Variants in HCFC2 observed in about 807,000 individuals in gnomAD.
The protein encoded by HCFC2 is host cell factor C2, also known as host cell factor 2.
In HCFC2, 18 loss-of-function variants were observed where a neutral mutation model predicts 89.2. The ratio of observed to expected loss-of-function variants is 0.20; its 90% CI spans 0.14 to 0.30. The LOEUF is 0.30. Ranked by LOEUF, HCFC2 falls within the 10% of genes least tolerant of loss-of-function variation. HCFC2 has a pLI of 1.00. For missense variants in HCFC2, 578 were observed against 956.1 expected, an observed-to-expected ratio of 0.60 and a Z score of 5.21; for synonymous variants, 308 against 335.7, an observed-to-expected ratio of 0.92 and a Z score of 0.90.
intron 13 of HCFC2, among the ~76,000 whole-genome samples, chr12:104,101,475 T>A (rs2029936245): frequency 6.7e-6 from 1 of 148,700 alleles, no homozygotes; most frequent in African/African-American, 2.5e-5. Context: ...AGAGTGAGAC[T>A]CCGTCTCCAA....
chr12:104,102,874 G>A, intron 14 of HCFC2, 85 bp from the exon 15 acceptor site: 2 of 1,122,036 alleles, frequency 1.8e-6, no homozygotes, highest in South Asian at 1.8e-5. Context: ...TGAACATTTT[G>A]TATTCTAAAG....
intron 2 of HCFC2, among the ~76,000 whole-genome samples, 195 bp downstream of exon 2, chr12:104,066,510 A>G (rs1883153785): frequency 1.3e-5 from 2 of 152,230 alleles, no homozygotes; most frequent in African/African-American, 4.8e-5. Context: ...CTTTATAGAA[A>G]ATGTTTCCAC....
intron 9 of HCFC2, 145 bp downstream of exon 9, chr12:104,088,183 A>G: frequency 2.4e-6 from 1 of 413,348 alleles, no homozygotes; most frequent in Non-Finnish European, 4.4e-6. Flanking sequence ...AAACAAACAA[A>G]CAAACACAGA....
chr12:104,086,481 C>T lies in HCFC2; in HGVS notation c.1064-366C>T, dbSNP rs903848608. ...GCTCCCCTTGCCTCTCCCCAGCCTC[C>T]CCCCAAAAACCTTCTAGGATTCCCA... On this transcript the variant is annotated intron_variant, in intron 7 of 14. Coordinates refer to ENST00000229330, the MANE Select transcript of HCFC2 (RefSeq NM_013320.3). Among the ~76,000 whole-genome samples the T allele has an allele frequency of 2.6e-5, 4 of 151,762 alleles. No homozygotes were observed. The South Asian group carries it at 8.3e-4, about 32-fold the overall frequency.
intron 7 of HCFC2, among the ~76,000 whole-genome samples, chr12:104,085,637 A>G (rs1383866544): frequency 6.6e-6 from 1 of 152,064 alleles, no homozygotes; most frequent in African/African-American, 2.4e-5. Context: ...AGGGCAAAAT[A>G]TAGATTTTGC....
At chr12:104,072,767 C>T (rs1238615203) in intron 3 of HCFC2, among the ~76,000 whole-genome samples, 3 of 151,824 alleles carry the variant, frequency 2.0e-5, no homozygotes, top group Admixed American at 6.6e-5. Context: ...CTCAGCCTCC[C>T]GAGTAGCTGG....
Position 104,102,173 on chromosome 12 carries a change from C to A in HCFC2, c.2064+20C>A, listed in dbSNP as rs564279512. ...TCAAAGGTGAGACATCGGGTCAAGA[C>A]TTGTTGGTGATTTTAAATTATTTGA... is the stretch of plus-strand genomic sequence containing the variant. On this transcript the variant is annotated intron_variant, in intron 14 of 14. Transcript: ENST00000229330. 1 of 1,592,672 alleles carries A rather than the reference C, an allele frequency of 6.3e-7. No homozygotes were observed. The highest frequency in any genetic ancestry group is 2.2e-5 in the East Asian group (1 of 44,662).
In HCFC2 at chr12:104,102,999, C is replaced by T; in HGVS notation, c.2105C>T (p.Ser702Leu). ...CACCTTTCCTGGGAACCTCCAACCT[C>T]ACCTTCTGGAAATATTTTGGAATAT... is the stretch of plus-strand genomic sequence containing the variant. ...GIHLSWEPPT[S>L]PSGNILEYSA... is the part of the protein sequence containing the mutation. Residue 702 changes from serine to leucine, a missense_variant, in exon 15 of 15, where the codon TCA becomes TTA. By Grantham distance (145) the Ser-to-Leu change is moderately radical (BLOSUM62 -2). Coordinates refer to ENST00000229330, the MANE Select transcript of HCFC2 (RefSeq NM_013320.3). The T allele has an allele frequency of 6.2e-7, 1 of 1,611,438 alleles. No individual in the cohort carries two copies. The highest frequency in any genetic ancestry group is 8.5e-7 in the Non-Finnish European group (1 of 1,178,530).
In HCFC2 at chr12:104,064,880, G is replaced by C. The variant is rs1883017092; in HGVS notation, c.163+157G>C. On this transcript the variant is annotated intron_variant, in intron 1 of 14. Coordinates refer to ENST00000229330, the MANE Select transcript of HCFC2 (RefSeq NM_013320.3). This position sits in a 1 kb window ranked among gnomAD's most constrained non-coding sequence, Gnocchi z 7.3. Reference sequence around the variant, plus strand: ...CGGCTCAGCCGGGCAGCCCGGGTCCGGCAGCTCTGTCCCGGACCGCAGCTC... The same window carrying C: ...CGGCTCAGCCGGGCAGCCCGGGTCCCGCAGCTCTGTCCCGGACCGCAGCTC... 2 of 587,662 alleles carry C rather than the reference G, an allele frequency of 3.4e-6. No individual in the cohort carries two copies. Among genetic ancestry groups the C allele is most frequent in the Non-Finnish European group, 5.4e-6 (2 of 372,412 alleles). 36.4% of individuals were successfully genotyped at this position (587,662 alleles called of 1,614,324 possible). A position where few individuals can be genotyped will look rare whatever the true frequency, so the allele number is the denominator to read the frequency against.
intron 1 of HCFC2, among the ~76,000 whole-genome samples, chr12:104,065,850 C>T (rs1883102922): frequency 6.6e-6 from 1 of 152,078 alleles, no homozygotes; most frequent in Admixed American, 6.6e-5. Context: ...TTAAATGATA[C>T]AGATCAGGGT....
rs1430202432 is a variant in HCFC2 at position 104,095,587 on chromosome 12, G to A, written c.1666+24G>A. On this transcript the variant is annotated intron_variant, in intron 11 of 14. Transcript: ENST00000229330. This position sits in a 1 kb window ranked among gnomAD's most constrained non-coding sequence, Gnocchi z 4.2. ...AGGTTTGAAATGTGTTTCACATACT[G>A]TATTTTGAACCATTTATGTATATAA... is the stretch of plus-strand genomic sequence containing the variant. 2 of 1,571,492 alleles carry A rather than the reference G, an allele frequency of 1.3e-6. No individual in the cohort carries two copies. Among genetic ancestry groups the A allele is most frequent in the African/African-American group, 1.3e-5 (1 of 74,120 alleles).
At chr12:104,098,216 T>G in intron 12 of HCFC2, 127 bp from the exon 13 acceptor site, 3 of 646,056 alleles carry the variant, frequency 4.6e-6, no homozygotes, top group Non-Finnish European at 7.7e-6. Context: ...TATTTACTTA[T>G]GAGTTGTTAA....
chr12:104,086,396 A>C (rs891945996), intron 7 of HCFC2, among the ~76,000 whole-genome samples: 6 of 152,130 alleles, frequency 3.9e-5, no homozygotes, highest in Non-Finnish European at 7.4e-5. Flanking sequence ...AAATTGGCTC[A>C]TAAAATTAAA....
intron 7 of HCFC2, among the ~76,000 whole-genome samples, chr12:104,083,317 G>A (rs1473948905): frequency 6.6e-6 from 1 of 152,072 alleles, no homozygotes. Flanking sequence ...CATAACCTCA[G>A]CCTAACTATG....
chr12:104,097,900 G>T (rs1002214246), intron 12 of HCFC2, among the ~76,000 whole-genome samples: 2 of 152,158 alleles, frequency 1.3e-5, no homozygotes, highest in African/African-American at 4.8e-5. Context: ...CAAGTGCAAA[G>T]ATCACTGAAT....
intron 2 of HCFC2, among the ~76,000 whole-genome samples, chr12:104,066,518 C>T (rs1883154189): frequency 1.3e-5 from 2 of 152,096 alleles, no homozygotes; most frequent in African/African-American, 4.8e-5. Context: ...AAAATGTTTC[C>T]ACTTCACTTA....
chr12:104,069,775 G>A (rs1883264131), intron 3 of HCFC2, among the ~76,000 whole-genome samples: 1 of 151,768 alleles, frequency 6.6e-6, no homozygotes, highest in Admixed American at 6.6e-5. Context: ...GTGGTTTGCT[G>A]CACCTATCAA....
rs1261896158 is a variant in HCFC2 at position 104,082,872 on chromosome 12, G to T, written c.1034G>T (p.Cys345Phe). The T allele has an allele frequency of 6.2e-7, 1 of 1,605,700 alleles. No homozygotes were observed. Among genetic ancestry groups the T allele is most frequent in the African/African-American group, 1.3e-5 (1 of 74,372 alleles). The stretch of plus-strand genomic sequence containing the variant: ...AAAAAAGCACTGAATAGTCAAGTTT[G>T]CTGCAAGGATCTTTGGTATCTTGAT... ...GYKKALNSQV[C>F]CKDLWYLDTE... The change falls in exon 7 of 15, where the codon TGC becomes TTC. Residue 345 changes from cysteine to phenylalanine, a missense_variant. By Grantham distance (205) the Cys-to-Phe change is radical. Coordinates refer to ENST00000229330, the MANE Select transcript of HCFC2 (RefSeq NM_013320.3).
rs1230958166 is a variant in HCFC2, at chr12:104,064,570, C to T, written c.10C>T (p.Pro4Ser). MAA[P>S]SLLNWRRVSS... ...GGCGGGGGTTGGGAAGATGGCGGCT[C>T]CCAGCCTCCTCAACTGGAGGCGAGT... Residue 4 changes from proline to serine, a missense_variant, in exon 1 of 15, where the codon CCC becomes TCC. Pro to Ser is a moderately conservative substitution (Grantham distance 74, BLOSUM62 -1). Transcript: ENST00000229330. This position sits in a 1 kb window ranked among gnomAD's most constrained non-coding sequence, Gnocchi z 7.3. 13 of 1,536,808 alleles carry T rather than the reference C, an allele frequency of 8.5e-6. No homozygotes were observed. The highest frequency in any genetic ancestry group is 1.1e-5 in the Non-Finnish European group (13 of 1,143,790).
Sources: gnomAD v4.1 joint callset for allele counts (sites outside exome capture counted in the v4.1 genomes callset) on GRCh38, gnomAD v4.1.1 for gene constraint, Gnocchi (gnomAD v3.1) non-coding constraint, MANE v1.5 for transcripts, NCBI Gene and HGNC (gene_info 2026-07-23, HGNC 2026-07-21) for gene names.